CLSTN2: variants seen among roughly 807,000 people sequenced by gnomAD.
CLSTN2 encodes the protein calsyntenin 2.
In CLSTN2, 48 loss-of-function variants were observed where a neutral mutation model predicts 101.2. The ratio of observed to expected loss-of-function variants is 0.47; its 90% confidence interval spans 0.38 to 0.60. The LOEUF (loss-of-function observed/expected upper bound fraction) is 0.60. CLSTN2 is among the 20% of genes least tolerant of loss of function. CLSTN2 has a pLI of 0.00. For missense variants in CLSTN2, 1,160 were observed against 1,238.2 expected (o/e 0.94, Z 0.95); for synonymous variants, 481 against 463.6 (o/e 1.04, Z -0.48).
intron 1 of CLSTN2, among the ~76,000 whole-genome samples, chr3:139,990,764 T>C (rs1195747507): frequency 6.6e-6 from 1 of 152,220 alleles, no homozygotes; most frequent in Non-Finnish European, 1.5e-5. Flanking sequence ...AGGAAGGTGC[T>C]AGACAAGATG....
intron 1 of CLSTN2, among the ~76,000 whole-genome samples, chr3:140,074,509 AGT>A (rs1288535139): frequency 2.0e-5 from 3 of 152,212 alleles, no homozygotes; most frequent in Non-Finnish European, 4.4e-5. Context: ...ACAGAAGTGC[AGT>A]TCTGGCTTCT....
intron 1 of CLSTN2, among the ~76,000 whole-genome samples, chr3:140,157,100 C>A (rs1054721157): frequency 6.6e-6 from 1 of 152,020 alleles, no homozygotes; most frequent in Admixed American, 6.5e-5. Flanking sequence ...GGGGAAGCAT[C>A]GCTGCTCAGA....
intron 1 of CLSTN2, among the ~76,000 whole-genome samples, chr3:140,045,548 G>T (rs946682014): frequency 6.6e-6 from 1 of 151,928 alleles, no homozygotes; most frequent in Non-Finnish European, 1.5e-5. Flanking sequence ...GTTATTTCTT[G>T]TCTTCTGCTA....
chr3:140,167,691 C>T (rs1034782765), intron 1 of CLSTN2, among the ~76,000 whole-genome samples: 2 of 152,138 alleles, frequency 1.3e-5, no homozygotes, highest in Non-Finnish European at 2.9e-5. Flanking sequence ...TCCCTTGTTC[C>T]CCTTCACAAT....
chr3:139,980,208 A>G (rs1449897073), intron 1 of CLSTN2, among the ~76,000 whole-genome samples: 1 of 152,018 alleles, frequency 6.6e-6, no homozygotes, highest in Non-Finnish European at 1.5e-5. Flanking sequence ...TATGTTTCAC[A>G]TGAACTGGCC....
intron 2 of CLSTN2, among the ~76,000 whole-genome samples, chr3:140,212,669 C>A (rs928109282): frequency 6.6e-6 from 1 of 152,196 alleles, no homozygotes; most frequent in Non-Finnish European, 1.5e-5. Flanking sequence ...CTTGTTTCAC[C>A]TTTCACAGGT....
intron 8 of CLSTN2, among the ~76,000 whole-genome samples, chr3:140,473,891 G>A (rs932641527): frequency 1.3e-5 from 2 of 152,044 alleles, no homozygotes; most frequent in Non-Finnish European, 2.9e-5. Flanking sequence ...CTGAGTAGCT[G>A]GGACTACAGG....
intron 1 of CLSTN2, among the ~76,000 whole-genome samples, chr3:140,044,546 G>T (rs887015539): frequency 1.3e-5 from 2 of 152,094 alleles, no homozygotes; most frequent in Admixed American, 6.5e-5. Flanking sequence ...GATTGCCCTG[G>T]CCAGAACTTC....
chr3:140,511,173 T>C (rs1255120052), intron 8 of CLSTN2, among the ~76,000 whole-genome samples: 1 of 152,192 alleles, frequency 6.6e-6, no homozygotes, highest in Non-Finnish European at 1.5e-5. Context: ...TCCAACTCCA[T>C]CCATGTCGCT....
At chr3:139,960,867 G>A (rs776701722) in intron 1 of CLSTN2, among the ~76,000 whole-genome samples, 4 of 152,170 alleles carry the variant, frequency 2.6e-5, no homozygotes, top group Non-Finnish European at 5.9e-5. Context: ...GAAACACATT[G>A]TTTAGAGGGT....
At chr3:140,484,626 C>T (rs1206822344) in intron 8 of CLSTN2, among the ~76,000 whole-genome samples, 2 of 152,198 alleles carry the variant, frequency 1.3e-5, no homozygotes, top group Non-Finnish European at 2.9e-5. Context: ...TTGGTCTTTT[C>T]ACATAGTCCC....
intron 1 of CLSTN2, among the ~76,000 whole-genome samples, chr3:140,036,889 T>G (rs2007664865): frequency 6.6e-6 from 1 of 152,198 alleles, no homozygotes; most frequent in Admixed American, 6.5e-5. Flanking sequence ...TTGTATATAC[T>G]AAATGCTAGA....
chr3:139,953,931 TTGTG>T (rs145225696), intron 1 of CLSTN2, among the ~76,000 whole-genome samples: 1 of 147,390 alleles, frequency 6.8e-6, no homozygotes, highest in Admixed American at 6.7e-5. Flanking sequence ...GTGTGTGTGT[TTGTG>T]TGTGTGTGTG....
At chr3:140,048,013 A>G (rs2007914695) in intron 1 of CLSTN2, among the ~76,000 whole-genome samples, 1 of 152,220 alleles carries the variant, frequency 6.6e-6, no homozygotes, top group South Asian at 2.1e-4. Flanking sequence ...CATGGCTATT[A>G]AAGTTAAAAT....
chr3:140,485,992 G>A (rs923333234), intron 8 of CLSTN2, among the ~76,000 whole-genome samples: 26 of 152,014 alleles, frequency 1.7e-4, no homozygotes, highest in East Asian at 3.9e-4. Flanking sequence ...AGATGAACTC[G>A]GTACCTCAGT....
intron 1 of CLSTN2, among the ~76,000 whole-genome samples, chr3:140,045,394 G>T (rs544073460): frequency 6.6e-6 from 1 of 151,804 alleles, no homozygotes; most frequent in Admixed American, 6.6e-5. Flanking sequence ...TTTTTGTTGC[G>T]TCTATTTGAT....
intron 2 of CLSTN2, among the ~76,000 whole-genome samples, chr3:140,192,619 C>T (rs1269873546): frequency 1.3e-5 from 2 of 151,576 alleles, no homozygotes; most frequent in East Asian, 1.9e-4. Context: ...GTAGTCACAC[C>T]GCTTTCCTCT....
chr3:140,252,225 G>A (rs979955946), intron 2 of CLSTN2, among the ~76,000 whole-genome samples: 1 of 152,174 alleles, frequency 6.6e-6, no homozygotes, highest in Non-Finnish European at 1.5e-5. Flanking sequence ...GAAGAGATTA[G>A]GCTAGTGATA....
Position 140,038,476 on chromosome 3 carries a change from C to T in CLSTN2, c.109+102993C>T, listed in dbSNP as rs573186513. ...CAGATGGACAGATTGTAAAAATGTT[C>T]TTCCATTCTGTAGGTTGTCTGTTCA... On this transcript the variant is annotated intron_variant, in intron 1 of 16. Transcript: ENST00000458420. Among the ~76,000 whole-genome samples the T allele has an allele frequency of 1.6e-4, 25 of 152,022 alleles. 1 individual carries two copies. The East Asian group carries it at 1.9e-3, about 12-fold the overall frequency.
Sources: gnomAD v4.1 joint callset for allele counts (sites outside exome capture counted in the v4.1 genomes callset) on GRCh38, gnomAD v4.1.1 for gene constraint, MANE v1.5 for transcripts, NCBI Gene and HGNC (gene_info 2026-07-23, HGNC 2026-07-21) for gene names.